The following CSTPP1 variants were observed in gnomAD, a reference collection of about 807,000 sequenced individuals.
CSTPP1 encodes UPF0705 protein C11orf49.
chr11:46,987,438 G>A, the CSTPP1 span: 2 of 811,472 alleles, frequency 2.5e-6, no homozygotes, highest in Non-Finnish European at 4.1e-6. Context: ...GTTTTGGTAG[G>A]TTGGTTGTGG....
the CSTPP1 span, among the ~76,000 whole-genome samples, chr11:46,989,471 A>G: frequency 1.3e-5 from 2 of 151,970 alleles, no homozygotes; most frequent in African/African-American, 4.8e-5. Flanking sequence ...TAAATTTAAA[A>G]TTTATCTTTT....
At chr11:47,130,965 A>C in the CSTPP1 span, among the ~76,000 whole-genome samples, 2 of 152,318 alleles carry the variant, frequency 1.3e-5, no homozygotes, top group South Asian at 4.1e-4. Flanking sequence ...TCATGCAGCC[A>C]ACAAACTAGA....
chr11:47,139,284 C>T, the CSTPP1 span, among the ~76,000 whole-genome samples: 1 of 152,234 alleles, frequency 6.6e-6, no homozygotes, highest in East Asian at 1.9e-4. Context: ...TACATACCCA[C>T]ACTCCCACAC....
At chr11:47,073,292 T>A in the CSTPP1 span, among the ~76,000 whole-genome samples, 3 of 151,854 alleles carry the variant, frequency 2.0e-5, no homozygotes, top group Non-Finnish European at 2.9e-5. Flanking sequence ...AACTAGGGAG[T>A]GGGATCCTAT....
the CSTPP1 span, among the ~76,000 whole-genome samples, chr11:47,069,053 A>C: frequency 6.6e-6 from 1 of 152,176 alleles, no homozygotes; most frequent in Non-Finnish European, 1.5e-5. Context: ...TAACATATTT[A>C]GTGTACATTT....
chr11:47,039,284 C>A, the CSTPP1 span, among the ~76,000 whole-genome samples: 2 of 127,900 alleles, frequency 1.6e-5, 1 homozygote, highest in Non-Finnish European at 3.7e-5. Context: ...GCGGATCACT[C>A]GCGGTTAGGA....
chr11:47,118,502 G>A, the CSTPP1 span, among the ~76,000 whole-genome samples: 1 of 152,154 alleles, frequency 6.6e-6, no homozygotes, highest in East Asian at 1.9e-4. Context: ...TGCTGGTGAG[G>A]AGCTGCGATC....
the CSTPP1 span, among the ~76,000 whole-genome samples, chr11:46,951,533 C>T: frequency 1.3e-5 from 2 of 152,044 alleles, no homozygotes; most frequent in African/African-American, 4.8e-5. Flanking sequence ...GATCCACCCG[C>T]CTTGGCCTCC....
chr11:47,140,859 G>C, the CSTPP1 span, among the ~76,000 whole-genome samples: 2 of 152,164 alleles, frequency 1.3e-5, no homozygotes, highest in Non-Finnish European at 2.9e-5. Flanking sequence ...CCAGCACTTT[G>C]GGAGGCCAAG....
chr11:47,160,191 G>C, the CSTPP1 span: 4 of 158,366 alleles, frequency 2.5e-5, no homozygotes, highest in African/African-American at 7.3e-5. Context: ...ATTGGTCTCA[G>C]CTACGCAGGA....
the CSTPP1 span, chr11:47,161,052 T>C: frequency 6.3e-7 from 1 of 1,585,522 alleles, no homozygotes; most frequent in Non-Finnish European, 8.7e-7. Context: ...GCCGTGAAGG[T>C]GAGGGGCATG....
At chr11:47,158,054 C>T in the CSTPP1 span, 3 of 778,356 alleles carry the variant, frequency 3.9e-6, no homozygotes, top group Admixed American at 4.5e-5. Context: ...GGGCCGGACT[C>T]AATCCCAGGG....
chr11:47,076,085 A>G, the CSTPP1 span, among the ~76,000 whole-genome samples: 1 of 152,086 alleles, frequency 6.6e-6, no homozygotes, highest in Admixed American at 6.5e-5. Context: ...CAAGGTCACT[A>G]CCCTTCATTC....
the CSTPP1 span, among the ~76,000 whole-genome samples, chr11:47,004,126 T>G: frequency 6.6e-6 from 1 of 151,834 alleles, no homozygotes; most frequent in Non-Finnish European, 1.5e-5. Flanking sequence ...TTAGTCTCTC[T>G]TTTGTTTTTT....
the CSTPP1 span, among the ~76,000 whole-genome samples, chr11:47,051,470 AT>A: frequency 4.6e-5 from 7 of 151,930 alleles, no homozygotes; most frequent in African/African-American, 1.7e-4. Context: ...TCATACTCTC[AT>A]TTAGGGGCCA....
At chr11:47,048,687 G>T in the CSTPP1 span, among the ~76,000 whole-genome samples, 1 of 151,826 alleles carries the variant, frequency 6.6e-6, no homozygotes, top group South Asian at 2.1e-4. Context: ...GGCAGAAGGG[G>T]GTGTTGTTGT....
At chr11:47,054,580 G>C in the CSTPP1 span, among the ~76,000 whole-genome samples, 3 of 152,014 alleles carry the variant, frequency 2.0e-5, no homozygotes, top group African/African-American at 7.2e-5. Flanking sequence ...TGGGATTACA[G>C]ATGTGAGCCA....
the CSTPP1 span, among the ~76,000 whole-genome samples, chr11:47,034,317 C>A: frequency 1.9e-4 from 29 of 151,986 alleles, no homozygotes; most frequent in Admixed American, 1.9e-3. Context: ...TAAGGGCAGT[C>A]CTAATCATAA....
the CSTPP1 span, among the ~76,000 whole-genome samples, chr11:46,977,250 A>C: frequency 6.6e-6 from 1 of 152,346 alleles, no homozygotes; most frequent in South Asian, 2.1e-4. Flanking sequence ...ACAAAACAGC[A>C]GCCAGCACTA....
Sources: gnomAD v4.1 joint callset for allele counts (sites outside exome capture counted in the v4.1 genomes callset) on GRCh38, gnomAD v4.1.1 for gene constraint, MANE v1.5 for transcripts, NCBI Gene and HGNC (gene_info 2026-07-23, HGNC 2026-07-21) for gene names.